The following NLGN4X variants were observed in gnomAD, a reference collection of about 807,000 sequenced individuals.
NLGN4X encodes neuroligin-4, X-linked.
A neutral mutation model predicts 40.3 loss-of-function variants in NLGN4X; 3 were observed. That is an observed-to-expected ratio of 0.07 (90% CI 0.03 to 0.19). The LOEUF is 0.19. Ranked by LOEUF, NLGN4X falls within the 10% of genes least tolerant of loss-of-function variation. The pLI, the probability that NLGN4X is intolerant of heterozygous loss-of-function variation, is 1.00. For synonymous variants in NLGN4X, 270 were observed against 306.8 expected, an observed-to-expected ratio of 0.88 and a Z score of 1.25; for missense variants, 382 against 708.3, an observed-to-expected ratio of 0.54 and a Z score of 5.23.
At chrX:5,980,638 C>A (rs1242915373) in intron 3 of NLGN4X, among the ~76,000 whole-genome samples, 9 of 107,592 alleles carry the variant, frequency 8.4e-5, no homozygotes, top group Non-Finnish European at 1.2e-4. Flanking sequence ...TTTCCAACAC[C>A]ATTTCTTGAA....
intron 1 of NLGN4X, among the ~76,000 whole-genome samples, chrX:6,225,749 G>A (rs1345856365): frequency 1.4e-5 from 1 of 70,256 alleles, no homozygotes; most frequent in Non-Finnish European, 2.5e-5. Flanking sequence ...ATCACCGGAA[G>A]GGCTGATTCT....
chrX:6,196,421 G>A (rs1041681724), intron 1 of NLGN4X, among the ~76,000 whole-genome samples: 3 of 108,282 alleles, frequency 2.8e-5, no homozygotes, highest in Admixed American at 9.8e-5. Flanking sequence ...GCGTGGTGGC[G>A]GGCGCCTGTA....
chrX:6,089,636 A>C (rs5916299), intron 2 of NLGN4X, among the ~76,000 whole-genome samples: 52,826 of 110,928 alleles, frequency 0.48, 9,153 homozygotes, highest in Admixed American at 0.52. Context: ...CCCCCTTATG[A>C]CCCCACCCCA....
chrX:5,944,474 G>C (rs1249106061), intron 3 of NLGN4X, among the ~76,000 whole-genome samples: 5 of 108,941 alleles, frequency 4.6e-5, no homozygotes, highest in African/African-American at 1.7e-4. Flanking sequence ...GATCAAGACT[G>C]TCTCTTAAAA....
At chrX:6,174,457 T>C (rs2040678089) in intron 1 of NLGN4X, among the ~76,000 whole-genome samples, 1 of 111,826 alleles carries the variant, frequency 8.9e-6, no homozygotes, top group African/African-American at 3.2e-5. Context: ...AAATAAATCG[T>C]TCTACAAAAA....
At chrX:6,217,545 T>A (rs954579245) in intron 1 of NLGN4X, among the ~76,000 whole-genome samples, 5 of 111,820 alleles carry the variant, frequency 4.5e-5, no homozygotes, top group Non-Finnish European at 9.4e-5. Flanking sequence ...AAGCCATGTG[T>A]GATTTATTGT....
intron 2 of NLGN4X, among the ~76,000 whole-genome samples, chrX:6,087,747 A>G (rs1029563551): frequency 1.8e-5 from 2 of 112,044 alleles, no homozygotes; most frequent in Admixed American, 1.9e-4. Flanking sequence ...ATGCCCAAAG[A>G]TAACTGAACT....
chrX:6,069,611 A>G (rs1452907430), intron 2 of NLGN4X, among the ~76,000 whole-genome samples: 1 of 112,543 alleles, frequency 8.9e-6, no homozygotes, highest in Non-Finnish European at 1.9e-5. Context: ...GAATCATTTT[A>G]GAAATGACTA....
rs1369839888 is a variant in NLGN4X at position 5,960,245 on chromosome X, T to C, written c.626-51006A>G. On this transcript the variant is annotated intron_variant, in intron 3 of 5. Transcript: ENST00000381095. ...AAGTTGCAGAGTAGTATAATTAATA[T>C]GATGCCAATTTTGCAAAAAAAAAAA... Among the ~76,000 whole-genome samples the C allele has an allele frequency of 3.9e-5, 3 of 76,094 alleles. 1 individual carries two copies. The highest frequency in any genetic ancestry group is 7.5e-5 in the Non-Finnish European group (3 of 39,987). 66.1% of individuals were successfully genotyped at this position (76,094 alleles called of 115,157 possible).
chrX:6,154,504 T>C (rs1313837705), intron 1 of NLGN4X, among the ~76,000 whole-genome samples: 1 of 109,847 alleles, frequency 9.1e-6, no homozygotes, highest in Non-Finnish European at 1.9e-5. Context: ...ACCTACATCC[T>C]TGTGGGGAAA....
intron 1 of NLGN4X, among the ~76,000 whole-genome samples, chrX:6,220,734 C>CTTTTT (rs774553248): frequency 0.036 from 2,417 of 66,623 alleles, 268 homozygotes; most frequent in African/African-American, 0.14. Context: ...TTATAACTTT[C>CTTTTT]TTTTTTTTTT....
chrX:5,933,257 C>A (rs557636899), intron 3 of NLGN4X, among the ~76,000 whole-genome samples: 1 of 111,144 alleles, frequency 9.0e-6, no homozygotes, highest in Admixed American at 9.6e-5. Flanking sequence ...ATATGAAATG[C>A]AAGCACAACC....
At chrX:6,026,586 C>T (rs2036700239) in intron 3 of NLGN4X, among the ~76,000 whole-genome samples, 1 of 111,894 alleles carries the variant, frequency 8.9e-6, no homozygotes, top group Non-Finnish European at 1.9e-5. Context: ...AACGCAGTCA[C>T]ATTTTAAAGT....
At chrX:5,999,187 A>G (rs2035910362) in intron 3 of NLGN4X, among the ~76,000 whole-genome samples, 1 of 111,686 alleles carries the variant, frequency 9.0e-6, no homozygotes, top group Admixed American at 9.5e-5. Flanking sequence ...GTTCTGAAAG[A>G]GAAGAAATAA....
chrX:5,906,421 AC>A (rs2032180689), intron 4 of NLGN4X, among the ~76,000 whole-genome samples: 1 of 112,145 alleles, frequency 8.9e-6, no homozygotes, highest in Non-Finnish European at 1.9e-5. Context: ...CAATGAAGAC[AC>A]TGAGGAGCAC....
At chrX:6,017,716 T>C (rs186936739) in intron 3 of NLGN4X, among the ~76,000 whole-genome samples, 2 of 112,126 alleles carry the variant, frequency 1.8e-5, no homozygotes, top group Admixed American at 1.9e-4. Context: ...CAATATGCAG[T>C]ACCATAGTCT....
chrX:6,030,925 T>C (rs756714774), intron 2 of NLGN4X, among the ~76,000 whole-genome samples: 3 of 111,945 alleles, frequency 2.7e-5, no homozygotes, highest in Non-Finnish European at 1.9e-5. Context: ...AGCGGTTGCC[T>C]AGTAAATTGT....
At chrX:5,973,118 A>G (rs970355485) in intron 3 of NLGN4X, among the ~76,000 whole-genome samples, 1 of 112,806 alleles carries the variant, frequency 8.9e-6, no homozygotes, top group Non-Finnish European at 1.9e-5. Context: ...ACAGATGAAC[A>G]GCCTAACTCA....
At chrX:5,920,547 T>C (rs1040513755) in intron 3 of NLGN4X, among the ~76,000 whole-genome samples, 2 of 111,800 alleles carry the variant, frequency 1.8e-5, no homozygotes, top group African/African-American at 6.5e-5. Context: ...TGGACACATG[T>C]TGTCAGGGTG....
Sources: allele counts gnomAD v4.1 joint callset (sites outside exome capture counted in the v4.1 genomes callset), GRCh38; gene constraint gnomAD v4.1.1; transcripts MANE v1.5; gene names NCBI Gene and HGNC (gene_info 2026-07-23, HGNC 2026-07-21).